SULT1E1: variants seen among roughly 807,000 people sequenced by gnomAD.
SULT1E1 encodes sulfotransferase 1E1.
Under a neutral mutation model 33.6 loss-of-function variants are expected in SULT1E1, and 36 were observed. The observed-to-expected ratio is 1.07, with a 90% CI of 0.82 to 1.41. The LOEUF is 1.41. Ranked by LOEUF, SULT1E1 falls within the 40% of genes most tolerant of loss-of-function variation. The pLI is 0.00. For synonymous variants in SULT1E1, 121 were observed against 111.7 expected, an observed-to-expected ratio of 1.08 and a Z score of -0.53; for missense variants, 371 against 345.7, an observed-to-expected ratio of 1.07 and a Z score of -0.58.
chr4:69,854,690 A>G (rs1012673226), intron 3 of SULT1E1, among the ~76,000 whole-genome samples: 6 of 152,030 alleles, frequency 3.9e-5, no homozygotes, highest in Non-Finnish European at 7.4e-5. Context: ...CCTGAGAGAT[A>G]TCATTCATAT....
At chr4:69,829,203 T>G in the SULT1E1 span, among the ~76,000 whole-genome samples, 1 of 152,356 alleles carries the variant, frequency 6.6e-6, no homozygotes, top group African/African-American at 2.4e-5. Flanking sequence ...GTTTACCGCA[T>G]GCAAATCCTG....
At chr4:69,833,902 A>C in the SULT1E1 span, among the ~76,000 whole-genome samples, 92 of 152,324 alleles carry the variant, frequency 6.0e-4, 1 homozygote, top group African/African-American at 2.2e-3. Context: ...TTTGTTGTTA[A>C]ATTTAAAGCC....
intron 2 of SULT1E1, 22 bp downstream of exon 2, chr4:69,857,478 A>G (rs11249470): frequency 0.013 from 20,384 of 1,580,564 alleles, 164 homozygotes; most frequent in Non-Finnish European, 0.015. Flanking sequence ...TTAGGTGAAA[A>G]AAGAACAACA....
intron 3 of SULT1E1, 46 bp from the exon 4 acceptor site, chr4:69,854,360 C>A (rs779186633): frequency 8.1e-7 from 1 of 1,234,216 alleles, no homozygotes; most frequent in Non-Finnish European, 1.2e-6. Flanking sequence ...AAAATTGTAA[C>A]TATTTATGTG....
intron 2 of SULT1E1, 119 bp from the exon 3 acceptor site, chr4:69,855,545 C>T: frequency 1.1e-6 from 1 of 901,682 alleles, no homozygotes; most frequent in Non-Finnish European, 1.6e-6. Flanking sequence ...TAAAGGGTGT[C>T]TGAATAGCCA....
chr4:69,832,147 C>A, the SULT1E1 span, among the ~76,000 whole-genome samples: 2 of 152,190 alleles, frequency 1.3e-5, no homozygotes, highest in South Asian at 4.1e-4. Context: ...AACCTTACCA[C>A]AGTTCAGTAG....
At chr4:69,854,050 G>A (rs1721180293) in intron 4 of SULT1E1, among the ~76,000 whole-genome samples, 167 bp downstream of exon 4, 1 of 152,074 alleles carries the variant, frequency 6.6e-6, no homozygotes, top group African/African-American at 2.4e-5. Context: ...GACAGAGTTG[G>A]AATTAAAATA....
At chr4:69,839,707 T>C (rs561923062), downstream of SULT1E1, among the ~76,000 whole-genome samples, 92 of 152,338 alleles carry the variant, frequency 6.0e-4, 1 homozygote, top group South Asian at 0.019. Flanking sequence ...TACCACATGA[T>C]GCCGTCCAAG....
chr4:69,821,860 G>C, the SULT1E1 span, among the ~76,000 whole-genome samples: 3 of 152,252 alleles, frequency 2.0e-5, no homozygotes, highest in Admixed American at 6.5e-5. Context: ...TGGGTAAATG[G>C]GAAAGAAATA....
the SULT1E1 span, among the ~76,000 whole-genome samples, chr4:69,824,805 C>A: frequency 6.6e-6 from 1 of 152,104 alleles, no homozygotes; most frequent in African/African-American, 2.4e-5. Flanking sequence ...TAAAATGAAC[C>A]AATGAACAGG....
the SULT1E1 span, among the ~76,000 whole-genome samples, chr4:69,835,377 C>T: frequency 6.6e-6 from 1 of 152,172 alleles, no homozygotes; most frequent in Non-Finnish European, 1.5e-5. Flanking sequence ...TCTTTGCATG[C>T]TCAGCACTTA....
chr4:69,858,230 T>A (rs543912170), intron 1 of SULT1E1, among the ~76,000 whole-genome samples: 2 of 152,250 alleles, frequency 1.3e-5, no homozygotes, highest in African/African-American at 4.8e-5. Context: ...AGAAATGGAA[T>A]CTTGAGAGTA....
chr4:69,829,273 A>G, the SULT1E1 span, among the ~76,000 whole-genome samples: 1 of 152,176 alleles, frequency 6.6e-6, no homozygotes, highest in East Asian at 1.9e-4. Context: ...TTCCACAGTG[A>G]CTGGCATTTG....
At chr4:69,845,114 A>C (rs375385053) in intron 6 of SULT1E1, among the ~76,000 whole-genome samples, 1 of 152,034 alleles carries the variant, frequency 6.6e-6, no homozygotes, top group African/African-American at 2.4e-5. Flanking sequence ...CTAATTTACC[A>C]CATGTGTATT....
At position 69,857,669 on chromosome 4, in the gene SULT1E1, T is replaced by C. The variant is rs2068110542; in HGVS notation, c.-9-16A>G. 1 of 1,568,358 alleles carries C rather than the reference T, an allele frequency of 6.4e-7. No individual in the cohort carries two copies. The highest frequency in any genetic ancestry group is 8.6e-7 in the Non-Finnish European group (1 of 1,164,342). ...TTGTGGTACACTGAAAAAAAACCTC[T>C]GCTTTATACTTTGTATGTACTTAAC... On this transcript the variant is annotated splice_polypyrimidine_tract_variant and intron_variant, in intron 1 of 7. Coordinates refer to ENST00000226444, the MANE Select transcript of SULT1E1 (RefSeq NM_005420.3).
At chr4:69,834,920 C>T in the SULT1E1 span, among the ~76,000 whole-genome samples, 2 of 152,110 alleles carry the variant, frequency 1.3e-5, no homozygotes, top group Admixed American at 6.6e-5. Context: ...CTATACTTAT[C>T]ATGATACTCC....
At chr4:69,858,496 C>G (rs780219285) in intron 1 of SULT1E1, among the ~76,000 whole-genome samples, 2 of 152,084 alleles carry the variant, frequency 1.3e-5, no homozygotes, top group African/African-American at 4.8e-5. Flanking sequence ...CCAAACTTAG[C>G]TTATTTCAAG....
intron 6 of SULT1E1, 108 bp downstream of exon 6, chr4:69,847,590 G>A (rs1005717924): frequency 1.5e-5 from 9 of 608,602 alleles, no homozygotes; most frequent in African/African-American, 9.6e-5. Flanking sequence ...AAAAATTTAC[G>A]AGATGGCTGT....
rs200957709 is a variant in SULT1E1 at position 69,841,974 on chromosome 4, T to C, written c.*20A>G. 227 of 1,305,056 alleles carry C rather than the reference T, an allele frequency of 1.7e-4. No individual in the cohort carries two copies. In the Middle Eastern group the frequency reaches 2.8e-3, roughly 16 times the overall value. 80.8% of individuals were successfully genotyped at this position (1,305,056 alleles called of 1,614,324 possible). On this transcript the variant is annotated 3_prime_UTR_variant, in exon 8 of 8. Transcript: ENST00000226444. ...AAAGAAATCTTTAATATCAGATATGTTAAGTAAAGAAAGACCTTCTTAGAT... is the reference window on the plus strand; with the variant it reads ...AAAGAAATCTTTAATATCAGATATGCTAAGTAAAGAAAGACCTTCTTAGAT...
Sources: allele counts gnomAD v4.1 joint callset (sites outside exome capture counted in the v4.1 genomes callset), GRCh38; gene constraint gnomAD v4.1.1; transcripts MANE v1.5; gene names NCBI Gene and HGNC (gene_info 2026-07-23, HGNC 2026-07-21).